The following NEB variants were observed in gnomAD, a reference collection of about 807,000 sequenced individuals.
NEB encodes nemaline myopathy type 2.
In NEB, 512 loss-of-function variants were observed where a neutral mutation model predicts 952.2. The ratio of observed to expected loss-of-function variants is 0.54; its 90% confidence interval spans 0.50 to 0.58. The LOEUF (loss-of-function observed/expected upper bound fraction) is 0.58, where lower values mean the gene tolerates loss of function less well. NEB is among the 20% of genes least tolerant of loss of function. NEB has a pLI of 0.00. For missense variants in NEB, 8,428 were observed against 9,231.1 expected (o/e 0.91, Z 3.56); for synonymous variants, 2,900 against 3,149.8 (o/e 0.92, Z 2.66).
intron 66 of NEB, among the ~76,000 whole-genome samples, 157 bp downstream of exon 66, chr2:151,630,986 T>C (rs2098656314): frequency 6.6e-6 from 1 of 152,206 alleles, no homozygotes; most frequent in Admixed American, 6.5e-5. Context: ...AGATTGAAAC[T>C]TGGAATAATC....
chr2:151,639,785 C>G, intron 62 of NEB, 72 bp downstream of exon 62: 1 of 1,306,972 alleles, frequency 7.7e-7, no homozygotes, highest in Non-Finnish European at 1.1e-6. Context: ...TTCTTTCTTT[C>G]CTCATTAATG....
chr2:151,688,746 T>C (rs1266482178), intron 24 of NEB, among the ~76,000 whole-genome samples: 1 of 152,146 alleles, frequency 6.6e-6, no homozygotes, highest in Non-Finnish European at 1.5e-5. Context: ...AACTAATAAA[T>C]AGAAAAATTA....
chr2:151,568,003 G>T, intron 113 of NEB, 68 bp downstream of exon 113: 2 of 1,219,872 alleles, frequency 1.6e-6, no homozygotes, highest in Non-Finnish European at 2.4e-6. Flanking sequence ...CTCTGCCTTT[G>T]GCATAACTGG....
At chr2:151,541,961 ATTC>A (rs777232410) in intron 135 of NEB, among the ~76,000 whole-genome samples, 11 of 152,064 alleles carry the variant, frequency 7.2e-5, no homozygotes, top group Non-Finnish European at 1.3e-4. Flanking sequence ...AATGGCCTTC[ATTC>A]TTCTTTTCTC....
In NEB at chr2:151,643,272, G is replaced by A. The variant is rs1057516676; in HGVS notation, c.8038C>T (p.Arg2680Ter). 4 of 1,613,806 alleles carry A rather than the reference G, an allele frequency of 2.5e-6. No individual in the cohort carries two copies. The highest frequency in any genetic ancestry group is 2.2e-5 in the East Asian group (1 of 44,852). ...SGSLEDEKNK[R>*]ATQILSDHVY... ...TGGTCACTCAAAATCTGGGTGGCTC[G>A]TTTATTTTTCTCATCCTCGAGAGAA... The change falls in exon 58 of 182, where the codon CGA (arginine) becomes TGA (stop). Residue 2680 changes from arginine to a stop codon, truncating the protein, a stop_gained. Coordinates refer to ENST00000397345, the MANE Select transcript of NEB (RefSeq NM_001164508.2). LOFTEE classifies it high-confidence loss of function.
Position 151,642,841 on chromosome 2 carries a change from T to A in NEB, c.8189A>T (p.Asp2730Val), listed in dbSNP as rs76767949. 4 of 1,612,190 alleles carry A rather than the reference T, an allele frequency of 2.5e-6. No individual in the cohort carries two copies. Among genetic ancestry groups the A allele is most frequent in the African/African-American group, 1.3e-5 (1 of 74,924 alleles). The change falls in exon 59 of 182, where the codon GAT becomes GTT. Residue 2730 changes from aspartate to valine, a missense_variant. By Grantham distance (152) the Asp-to-Val change is radical. Transcript: ENST00000397345. ...HRLYTEAWDK[D>V]KTTVHIMPDT... The stretch of plus-strand genomic sequence containing the variant: ...TGGCATAATGTGGACAGTGGTTTTA[T>A]CTTTATCCCAAGCTTCTGTATAGAG...
At chr2:151,711,466 G>A (rs182156589) in intron 10 of NEB, among the ~76,000 whole-genome samples, 121 of 152,352 alleles carry the variant, frequency 7.9e-4, no homozygotes, top group Non-Finnish European at 1.4e-3. Context: ...ACCTTTAAGA[G>A]AAGGTGAGTG....
rs1157603105 is a variant in NEB at position 151,687,531 on chromosome 2, A to T, written c.2525T>A (p.Val842Glu). The change falls in exon 27 of 182, where the codon GTG (valine) becomes GAG (glutamate). Residue 842 changes from valine to glutamate, a missense_variant and splice_region_variant. Val to Glu is a moderately radical substitution (Grantham distance 121, BLOSUM62 -2). Transcript: ENST00000397345. Reference protein sequence around the residue: ...AKANTKNTSDVMYKKDYEKSK... With the variant: ...AKANTKNTSDEMYKKDYEKSK... ...CTTTTCATAGTCTTTCTTGTACATC[A>T]CCTGCAAAGACATCACACATGCCAG... 1 of 1,612,786 alleles carries T rather than the reference A, an allele frequency of 6.2e-7. No homozygotes were observed. The highest frequency in any genetic ancestry group is 8.5e-7 in the Non-Finnish European group (1 of 1,179,048).
At chr2:151,670,087 A>T (rs2099267333) in intron 38 of NEB, among the ~76,000 whole-genome samples, 1 of 152,228 alleles carries the variant, frequency 6.6e-6, no homozygotes, top group Admixed American at 6.5e-5. Flanking sequence ...GTGAGTGTAC[A>T]GTTTGCCTAG....
chr2:151,595,043 CAAGTTTGAACAAAGAGAGAGAA>C (rs1438290663), intron 92 of NEB, among the ~76,000 whole-genome samples: 1 of 50,468 alleles, frequency 2.0e-5, no homozygotes, highest in Non-Finnish European at 3.7e-5. Flanking sequence ...ATAACATAGG[CAAGTTTGAACAAAGAGAGAGAA>C]AACTGGGAAT....
chr2:151,562,880 C>A lies in NEB; in HGVS notation c.18694-72G>T, dbSNP rs1346122378. ...TTATTCAGATCAATGTCTTTTAGAT[C>A]CTTATTTCCCATATAGATCAGTATC... On this transcript the variant is annotated intron_variant, in intron 119 of 181. Coordinates refer to ENST00000397345, the MANE Select transcript of NEB (RefSeq NM_001164508.2). 1.2e-4 allele frequency: 123 copies of A among 1,042,772 alleles called. 1 individual carries two copies. The South Asian group carries it at 1.8e-3, about 16-fold the overall frequency. The allele number at this position is 1,042,772 out of a possible 1,614,324, so 64.6% of individuals were successfully genotyped here. A position where few individuals can be genotyped will look rare whatever the true frequency, so the allele number is the denominator to read the frequency against.
At position 151,666,207 on chromosome 2, in the gene NEB, C is replaced by A; in HGVS notation, c.4914G>T (p.Lys1638Asn). 6.2e-7 allele frequency: 1 copy of A among 1,613,942 alleles called. No homozygotes were observed. Among genetic ancestry groups the A allele is most frequent in the Non-Finnish European group, 8.5e-7 (1 of 1,179,864 alleles). ...PLDMVSVTAA[K>N]KSQEVATNAN... is the part of the protein sequence containing the mutation. Reference sequence around the variant, plus strand: ...CGTTGGTGGCAACCTCCTGAGATTTCTTTGCAGCTGTCACACTGACCATAT... The same window carrying A: ...CGTTGGTGGCAACCTCCTGAGATTTATTTGCAGCTGTCACACTGACCATAT... Residue 1638 changes from lysine to asparagine, a missense_variant, in exon 41 of 182, where the codon AAG (lysine) becomes AAT (asparagine). Around this residue, in one of 11 missense-constraint regions of NEB, gnomAD observed 2,851 missense variants for 2,791.5 expected, o/e 1.02. Transcript: ENST00000397345.
chr2:151,672,166 GAC>G (rs1165386878), intron 37 of NEB, among the ~76,000 whole-genome samples: 2 of 152,140 alleles, frequency 1.3e-5, no homozygotes, highest in Non-Finnish European at 2.9e-5. Context: ...AGTTAATAAA[GAC>G]AGCATCAATA....
At chr2:151,572,095 G>A (rs943815979) in intron 107 of NEB, among the ~76,000 whole-genome samples, 13 of 152,242 alleles carry the variant, frequency 8.5e-5, no homozygotes, top group African/African-American at 3.1e-4. Context: ...GCCGAGGCAG[G>A]TGGATCACTT....
intron 136 of NEB, 146 bp from the exon 137 acceptor site, chr2:151,540,947 T>C (rs894090344): frequency 1.3e-4 from 89 of 688,932 alleles, no homozygotes; most frequent in Admixed American, 2.4e-4. Context: ...TTTTGTTATA[T>C]GCGTTTCTGT....
chr2:151,556,744 A>T (rs13393021), intron 124 of NEB, among the ~76,000 whole-genome samples: 1 of 150,348 alleles, frequency 6.7e-6, no homozygotes, highest in African/African-American at 2.5e-5. Flanking sequence ...GAGACTTAGA[A>T]TGCAACACAA....
chr2:151,694,690 A>AGT, intron 18 of NEB, 61 bp from the exon 19 acceptor site: 1 of 1,313,476 alleles, frequency 7.6e-7, no homozygotes, highest in Non-Finnish European at 1.1e-6. Context: ...CGACCTTTAA[A>AGT]GACTAGTGGG....
intron 137 of NEB, 40 bp downstream of exon 137, chr2:151,540,657 T>C (rs966801525): frequency 6.4e-7 from 1 of 1,552,488 alleles, no homozygotes; most frequent in Admixed American, 1.7e-5. Context: ...AAAGTATTTT[T>C]CTTTTTACCC....
Position 151,616,127 on chromosome 2 carries a change from A to AT in NEB, c.11182-19dup. 1.3e-6 allele frequency: 2 copies of AT among 1,537,502 alleles called. No individual in the cohort carries two copies. The highest frequency in any genetic ancestry group is 1.8e-6 in the Non-Finnish European group (2 of 1,115,818). ...TAGAGTTTCTGTAGAAAAGAAAGTC[A>AT]TTACTCATTTACTCCTTCCATAAAA... On this transcript the variant is annotated intron_variant, in intron 75 of 181. Coordinates refer to ENST00000397345, the MANE Select transcript of NEB (RefSeq NM_001164508.2).
Sources: gnomAD v4.1 joint callset for allele counts (sites outside exome capture counted in the v4.1 genomes callset) on GRCh38, gnomAD v4.1.1 for gene constraint, gnomAD v4.1.1 regional missense constraint, MANE v1.5 for transcripts, NCBI Gene and HGNC (gene_info 2026-07-23, HGNC 2026-07-21) for gene names.